The following HVCN1 variants were observed in gnomAD, a reference collection of about 807,000 sequenced individuals.
HVCN1 encodes the protein voltage-gated hydrogen channel 1.
HVCN1 carries 14 observed loss-of-function variants against 29.2 expected under a neutral mutation model. That is an observed-to-expected ratio of 0.48 (90% confidence interval 0.32 to 0.75). The LOEUF is 0.75. Among genes scored for constraint, HVCN1 ranks in the 30% least tolerant of loss-of-function variants. HVCN1 has a pLI of 0.04. For missense variants in HVCN1, 263 were observed against 341.8 expected, an observed-to-expected ratio of 0.77 and a Z score of 1.82; for synonymous variants, 131 against 133.2, an observed-to-expected ratio of 0.98 and a Z score of 0.11.
At chr12:110,680,680 G>T (rs927567555) in intron 3 of HVCN1, among the ~76,000 whole-genome samples, 20 of 152,238 alleles carry the variant, frequency 1.3e-4, no homozygotes, top group African/African-American at 4.6e-4. Flanking sequence ...ACTTTGGGAG[G>T]CTGAGGCAGG....
chr12:110,650,343 C>G, intron 6 of HVCN1, 63 bp from the exon 7 acceptor site: 1 of 1,006,438 alleles, frequency 9.9e-7, no homozygotes, highest in South Asian at 1.3e-5. Context: ...GGAAAAAAAT[C>G]TGTATTCTTA....
At chr12:110,654,547 C>T (rs926966554) in intron 5 of HVCN1, among the ~76,000 whole-genome samples, 1 of 146,572 alleles carries the variant, frequency 6.8e-6, no homozygotes, top group Non-Finnish European at 1.5e-5. Context: ...GGCGCTATCT[C>T]GGCTCACTGC....
chr12:110,703,833 C>T (rs1367166622), intron 1 of HVCN1, among the ~76,000 whole-genome samples: 2 of 151,962 alleles, frequency 1.3e-5, no homozygotes, highest in Admixed American at 6.6e-5. Context: ...TATAGGCGTG[C>T]GCCACCATGC....
upstream of HVCN1, among the ~76,000 whole-genome samples, chr12:110,694,618 G>A (rs568309702): frequency 9.3e-4 from 141 of 152,348 alleles, no homozygotes; most frequent in African/African-American, 3.3e-3. This position sits in a 1 kb window ranked among gnomAD's most constrained non-coding sequence, Gnocchi z 4.6. Context: ...GGAGAGAAAA[G>A]TAGATGAGTT....
upstream of HVCN1, chr12:110,689,194 G>GC (rs1157153964): frequency 3.6e-5 from 1 of 27,694 alleles, no homozygotes; most frequent in Non-Finnish European, 7.3e-5. This position sits in a 1 kb window ranked among gnomAD's most constrained non-coding sequence, Gnocchi z 5.7. Flanking sequence ...GGCCGCCCCC[G>GC]CCCCCGTCCC....
chr12:110,674,516 C>A (rs1325661230), intron 3 of HVCN1, among the ~76,000 whole-genome samples: 2 of 152,168 alleles, frequency 1.3e-5, no homozygotes, highest in Non-Finnish European at 2.9e-5. Flanking sequence ...GCTGTGTCTC[C>A]ACCCAAATCT....
intron 3 of HVCN1, among the ~76,000 whole-genome samples, chr12:110,677,709 G>C (rs1309977682): frequency 6.6e-6 from 1 of 152,208 alleles, no homozygotes; most frequent in Non-Finnish European, 1.5e-5. Context: ...AATCAGGGAA[G>C]TCTTTAAATA....
At chr12:110,686,923 T>A (rs941120130) in intron 2 of HVCN1, among the ~76,000 whole-genome samples, 1 of 152,212 alleles carries the variant, frequency 6.6e-6, no homozygotes, top group Non-Finnish European at 1.5e-5. Context: ...TTGAATAGTA[T>A]GGCTAAAACC....
intron 2 of HVCN1, among the ~76,000 whole-genome samples, chr12:110,700,288 G>T (rs1303382701): frequency 3.3e-5 from 5 of 152,216 alleles, no homozygotes; most frequent in Admixed American, 1.3e-4. Context: ...GTTTGTCCTT[G>T]TCGCCCAGCC....
chr12:110,658,564 C>A lies in HVCN1; in HGVS notation c.306+2600G>T, dbSNP rs972403865. 1.3e-5 allele frequency among the ~76,000 whole-genome samples: 2 copies of A among 152,174 alleles called. No individual in the cohort carries two copies. The highest frequency in any genetic ancestry group is 2.9e-5 in the Non-Finnish European group (2 of 68,016). On this transcript the variant is annotated intron_variant, in intron 4 of 7. Coordinates refer to ENST00000242607, the MANE Select transcript of HVCN1 (RefSeq NM_032369.4). The surrounding 1 kb of genome is among the most constrained non-coding windows in gnomAD (Gnocchi z 5.0). ...AGCCCCTCTACCTGGAAGCCTCCCA[C>A]GCCATCCACCCATCGGGCTCACTCC...
intron 5 of HVCN1, 34 bp downstream of exon 5, chr12:110,655,200 T>C (rs779190735): frequency 6.6e-7 from 1 of 1,518,064 alleles, no homozygotes; most frequent in South Asian, 1.1e-5. Context: ...GCAAAACATA[T>C]CAGTAAGACC....
chr12:110,700,172 T>C (rs1439193940), intron 2 of HVCN1, among the ~76,000 whole-genome samples: 1 of 152,224 alleles, frequency 6.6e-6, no homozygotes, highest in Non-Finnish European at 1.5e-5. Context: ...GGGCACCACA[T>C]GCTAAGCTAA....
intron 3 of HVCN1, among the ~76,000 whole-genome samples, chr12:110,678,208 G>A (rs546650206): frequency 6.6e-6 from 1 of 152,254 alleles, no homozygotes; most frequent in South Asian, 2.1e-4. Context: ...AGGCTGCCAA[G>A]CCCAGCTCCC....
chr12:110,702,663 T>C (rs1024742460), intron 1 of HVCN1, among the ~76,000 whole-genome samples: 1 of 149,948 alleles, frequency 6.7e-6, no homozygotes, highest in African/African-American at 2.5e-5. Flanking sequence ...TTGTATTTTT[T>C]TTTTTTTTGA....
chr12:110,680,452 G>A (rs2068923431), intron 3 of HVCN1, among the ~76,000 whole-genome samples: 1 of 151,902 alleles, frequency 6.6e-6, no homozygotes, highest in Admixed American at 6.6e-5. Flanking sequence ...TTGACCTGCT[G>A]CCATTTACCC....
In HVCN1 at chr12:110,661,272, T is replaced by C; in HGVS notation, c.198A>G (p.Glu66=). The C allele has an allele frequency of 6.2e-7, 1 of 1,614,190 alleles. No individual in the cohort carries two copies. The highest frequency in any genetic ancestry group is 8.5e-7 in the Non-Finnish European group (1 of 1,180,020). Residue 66 remains glutamate (E), a synonymous_variant, in exon 4 of 8, where the codon GAA becomes GAG. Transcript: ENST00000242607. The surrounding 1 kb of genome is among the most constrained non-coding windows in gnomAD (Gnocchi z 6.2). The part of the protein sequence containing the change: ...QPPPTPVSGE[E]GRAAAPDVAP... ...CAACGTCAGGGGCTGCAGCTCTGCC[T>C]TCCTCGCCTGAGACTGGTGTGGGTG...
chr12:110,687,471 C>T (rs2069236153), intron 2 of HVCN1, among the ~76,000 whole-genome samples: 2 of 152,038 alleles, frequency 1.3e-5, no homozygotes. Flanking sequence ...GAGCGGAGTA[C>T]TTAGGAGGTG....
At chr12:110,651,506 C>T in intron 5 of HVCN1, 58 bp from the exon 6 acceptor site, 4 of 1,104,522 alleles carry the variant, frequency 3.6e-6, no homozygotes, top group Non-Finnish European at 5.5e-6. Flanking sequence ...GGTCAAGCTG[C>T]CCTCACATGC....
chr12:110,666,073 G>A (rs1322671304), intron 3 of HVCN1, among the ~76,000 whole-genome samples: 2 of 151,080 alleles, frequency 1.3e-5, no homozygotes, highest in African/African-American at 2.4e-5. Flanking sequence ...GTATATATAC[G>A]AAATGAAAAA....
Sources: allele counts gnomAD v4.1 joint callset (sites outside exome capture counted in the v4.1 genomes callset), GRCh38; gene constraint gnomAD v4.1.1; non-coding constraint Gnocchi (gnomAD v3.1); transcripts MANE v1.5; gene names NCBI Gene and HGNC (gene_info 2026-07-23, HGNC 2026-07-21).